Variants in CPS1 observed in about 807,000 individuals in gnomAD.
CPS1 encodes carbamoyl-phosphate synthase [ammonia], mitochondrial.
In CPS1, 109 loss-of-function variants were observed where a neutral mutation model predicts 174.6. The observed-to-expected ratio is 0.62, with a 90% CI of 0.53 to 0.73. The LOEUF (loss-of-function observed/expected upper bound fraction) is 0.73. Ranked by LOEUF, CPS1 falls within the 30% of genes least tolerant of loss-of-function variation. CPS1 has a pLI of 0.00. For synonymous variants in CPS1, 637 were observed against 632.0 expected (o/e 1.01, Z -0.12); for missense variants, 1,689 against 1,821.9 (o/e 0.93, Z 1.33).
At chr2:210,535,302 G>A (rs1696216378) in intron 1 of CPS1, among the ~76,000 whole-genome samples, 1 of 152,146 alleles carries the variant, frequency 6.6e-6, no homozygotes, top group Non-Finnish European at 1.5e-5. Flanking sequence ...TGCTTTGAGA[G>A]CAGGTTAGGC....
chr2:210,649,768 A>G (rs2371011), intron 27 of CPS1, among the ~76,000 whole-genome samples: 38,266 of 152,092 alleles, frequency 0.25, 6,012 homozygotes, highest in East Asian at 0.42. Context: ...CAAATGTCAA[A>G]ATTCAGAGTA....
intron 24 of CPS1, among the ~76,000 whole-genome samples, 172 bp downstream of exon 24, chr2:210,640,231 A>G (rs1318769764): frequency 6.6e-6 from 1 of 152,220 alleles, no homozygotes; most frequent in Non-Finnish European, 1.5e-5. Context: ...ACAGCTATTT[A>G]GTGGTAGAGT....
At chr2:210,544,333 A>G (rs1007539597) in intron 1 of CPS1, among the ~76,000 whole-genome samples, 9 of 152,072 alleles carry the variant, frequency 5.9e-5, no homozygotes, top group African/African-American at 2.2e-4. Context: ...CTTTAGGCCA[A>G]GAGCTCTTCT....
Position 210,579,700 on chromosome 2 carries a change from T to C in CPS1, c.472-14T>C, listed in dbSNP as rs1362831209. On this transcript the variant is annotated splice_polypyrimidine_tract_variant and intron_variant, in intron 4 of 37. Transcript: ENST00000233072. Reference sequence around the variant, plus strand: ...TCCTCCAATTTCACTGTCACTACAATTTTTTTCTTATAGGTTCCTGCAATT... The same window carrying C: ...TCCTCCAATTTCACTGTCACTACAACTTTTTTCTTATAGGTTCCTGCAATT... 2 of 1,608,080 alleles carry C rather than the reference T, an allele frequency of 1.2e-6. No individual in the cohort carries two copies. The highest frequency in any genetic ancestry group is 2.2e-5 in the East Asian group (1 of 44,822).
intron 34 of CPS1, among the ~76,000 whole-genome samples, chr2:210,668,699 C>T (rs1701189042): frequency 6.6e-6 from 1 of 151,968 alleles, no homozygotes; most frequent in East Asian, 1.9e-4. Flanking sequence ...CTTGATTTTC[C>T]CCCTTGCCAA....
intron 34 of CPS1, among the ~76,000 whole-genome samples, chr2:210,671,366 G>T (rs1410945372): frequency 6.6e-6 from 1 of 152,124 alleles, no homozygotes; most frequent in Non-Finnish European, 1.5e-5. Context: ...CAATCCAGAG[G>T]TCCCCGTAGA....
At chr2:210,556,929 C>A in intron 1 of CPS1, 70 bp downstream of exon 1, 1 of 1,532,420 alleles carries the variant, frequency 6.5e-7, no homozygotes, top group South Asian at 1.1e-5. Flanking sequence ...CAAAGGTGTC[C>A]CTTACAAGGC....
At chr2:210,621,348 C>A (rs1699521467) in intron 21 of CPS1, among the ~76,000 whole-genome samples, 1 of 152,136 alleles carries the variant, frequency 6.6e-6, no homozygotes, top group South Asian at 2.1e-4. Context: ...CACCAAAGGT[C>A]TTTTAACTTC....
chr2:210,673,651 G>C (rs940359451), intron 34 of CPS1: 1 of 152,030 alleles, frequency 6.6e-6, no homozygotes, highest in South Asian at 2.1e-4. Context: ...TAGTTTTTAG[G>C]GGGGCTGAAA....
chr2:210,635,626 G>T (rs562469584), intron 21 of CPS1, among the ~76,000 whole-genome samples: 1 of 152,166 alleles, frequency 6.6e-6, no homozygotes. Context: ...TGCTATGTTG[G>T]ATGGCACAGT....
intron 1 of CPS1, among the ~76,000 whole-genome samples, chr2:210,513,673 G>T (rs560966804): frequency 2.3e-4 from 35 of 151,974 alleles, no homozygotes; most frequent in Middle Eastern, 3.4e-3. Flanking sequence ...TTCTTCTGCT[G>T]TGCAGCTCTT....
intron 1 of CPS1, among the ~76,000 whole-genome samples, chr2:210,522,002 A>G (rs151228462): frequency 4.0e-4 from 61 of 152,098 alleles, no homozygotes; most frequent in Middle Eastern, 3.4e-3. Context: ...TCAGACCCAC[A>G]TATAGACTAT....
intron 27 of CPS1, 40 bp downstream of exon 27, chr2:210,648,580 A>C (rs766830775): frequency 2.6e-6 from 4 of 1,516,848 alleles, no homozygotes; most frequent in Non-Finnish European, 3.7e-6. Context: ...TGATTCAAAA[A>C]TTGGGAGATA....
At chr2:210,538,935 T>C (rs987682211) in intron 1 of CPS1, among the ~76,000 whole-genome samples, 9 of 152,122 alleles carry the variant, frequency 5.9e-5, no homozygotes, top group Admixed American at 6.5e-5. Context: ...ATTATGATAA[T>C]ACCCCTTCAG....
chr2:210,536,885 A>G (rs1254830167), intron 1 of CPS1, among the ~76,000 whole-genome samples: 1 of 152,232 alleles, frequency 6.6e-6, no homozygotes, highest in Non-Finnish European at 1.5e-5. Context: ...TTAAAGTTAA[A>G]TAGTACCAGA....
At position 210,678,167 on chromosome 2, in the gene CPS1, A is replaced by G; in HGVS notation, c.*182A>G. The stretch of plus-strand genomic sequence containing the variant: ...TTGTCAGTCACTTCTTCAAAACCTT[A>G]CAGTCCTTCCTAAGTTACTCTTCAT... On this transcript the variant is annotated 3_prime_UTR_variant, in exon 38 of 38. Transcript: ENST00000233072. The G allele has an allele frequency of 1.5e-6, 1 of 682,194 alleles. No individual in the cohort carries two copies. Among genetic ancestry groups the G allele is most frequent in the Non-Finnish European group, 2.7e-6 (1 of 368,400 alleles). 42.3% of individuals were successfully genotyped at this position (682,194 alleles called of 1,614,324 possible).
intron 6 of CPS1, among the ~76,000 whole-genome samples, chr2:210,585,273 G>A (rs368207800): frequency 4.6e-5 from 7 of 152,034 alleles, no homozygotes; most frequent in African/African-American, 7.2e-5. Flanking sequence ...ACAGTTGGTG[G>A]TAAAGAAATT....
At chr2:210,515,349 G>T (rs182706441) in intron 1 of CPS1, among the ~76,000 whole-genome samples, 1 of 150,024 alleles carries the variant, frequency 6.7e-6, no homozygotes, top group Non-Finnish European at 1.5e-5. Context: ...TGGTTGGTAG[G>T]TTTTTTTTTA....
chr2:210,676,321 G>A (rs1331335108), intron 36 of CPS1, among the ~76,000 whole-genome samples: 1 of 152,142 alleles, frequency 6.6e-6, no homozygotes, highest in Non-Finnish European at 1.5e-5. Context: ...CTTAGACCAT[G>A]TCATCATTAG....
Sources: gnomAD v4.1 joint callset for allele counts (sites outside exome capture counted in the v4.1 genomes callset) on GRCh38, gnomAD v4.1.1 for gene constraint, MANE v1.5 for transcripts, NCBI Gene and HGNC (gene_info 2026-07-23, HGNC 2026-07-21) for gene names.